HIPK1: variants seen among roughly 807,000 people sequenced by gnomAD.
The protein encoded by HIPK1 is homeodomain-interacting protein kinase 1.
In HIPK1, 28 loss-of-function variants were observed where a neutral mutation model predicts 117.1. The observed-to-expected ratio is 0.24, with a 90% CI of 0.18 to 0.33. The LOEUF (loss-of-function observed/expected upper bound fraction) is 0.33, where lower values mean the gene tolerates loss of function less well. HIPK1 is among the 10% of genes least tolerant of loss of function. HIPK1 has a pLI of 1.00. For synonymous variants in HIPK1, 605 were observed against 562.5 expected (o/e 1.08, Z -1.07); for missense variants, 1,122 against 1,475.1 (o/e 0.76, Z 3.92).
intron 3 of HIPK1, 138 bp downstream of exon 3, chr1:113,953,027 T>G (rs1571690974): frequency 1.4e-6 from 1 of 717,216 alleles, no homozygotes; most frequent in African/African-American, 1.8e-5. Context: ...TAAAGAACTT[T>G]TTAAAGAATA....
intron 7 of HIPK1, 106 bp from the exon 8 acceptor site, chr1:113,957,960 A>G (rs1671835260): frequency 1.2e-6 from 1 of 853,074 alleles, no homozygotes; most frequent in African/African-American, 1.7e-5. Flanking sequence ...TTAACATTAC[A>G]TTTTAAAACA....
chr1:113,972,915 A>T (rs933120431), intron 15 of HIPK1, 109 bp from the exon 16 acceptor site: 1 of 1,210,850 alleles, frequency 8.3e-7, no homozygotes, highest in East Asian at 2.4e-5. Context: ...ATTATGTGCT[A>T]TACCCATTCG....
chr1:113,931,388 T>C (rs1472311847), intron 1 of HIPK1, among the ~76,000 whole-genome samples: 1 of 152,230 alleles, frequency 6.6e-6, no homozygotes, highest in Non-Finnish European at 1.5e-5. Flanking sequence ...TTTAAGATAC[T>C]GTTCCTGGCT....
At chr1:113,932,391 T>TTTTTTTTA in intron 1 of HIPK1, among the ~76,000 whole-genome samples, 1 of 149,158 alleles carries the variant, frequency 6.7e-6, no homozygotes. Flanking sequence ...TTTTTTTTTT[T>TTTTTTTTA]ATTTGAGACA....
chr1:113,936,160 C>T (rs1670235546), intron 1 of HIPK1, among the ~76,000 whole-genome samples: 1 of 152,168 alleles, frequency 6.6e-6, no homozygotes, highest in Non-Finnish European at 1.5e-5. Context: ...GAGTCTCAGC[C>T]ACACTGTAAG....
In HIPK1 at chr1:113,943,530, T is replaced by C. The variant is rs1670788024; in HGVS notation, c.1076+2071T>C. On this transcript the variant is annotated intron_variant, in intron 2 of 15. Coordinates refer to ENST00000426820, the MANE Select transcript of HIPK1 (RefSeq NM_198268.3). ...ACCACATTTTGTTTATGCATTCATC[T>C]GTTGGTAGATATTTGGGTTGTTGCT... Among the ~76,000 whole-genome samples the C allele has an allele frequency of 2.0e-5, 3 of 152,252 alleles. No homozygotes were observed. In the South Asian group the frequency reaches 6.2e-4, roughly 31 times the overall value.
At chr1:113,953,812 C>T (rs1436432090) in intron 3 of HIPK1, 1 of 152,190 alleles carries the variant, frequency 6.6e-6, no homozygotes, top group East Asian at 1.9e-4. Flanking sequence ...AGTCACCGTG[C>T]CTGGCCTTCT....
At chr1:113,963,589 T>A (rs1278228025) in intron 10 of HIPK1, 68 bp downstream of exon 10, 6 of 1,534,608 alleles carry the variant, frequency 3.9e-6, no homozygotes, top group Non-Finnish European at 5.2e-6. Context: ...TGTTTTTTCC[T>A]GTTTGTTTTT....
At chr1:113,954,822 C>T in intron 4 of HIPK1, 52 bp downstream of exon 4, 1 of 1,472,416 alleles carries the variant, frequency 6.8e-7, no homozygotes, top group Admixed American at 2.0e-5. Flanking sequence ...CCTCACTCCC[C>T]AATTTTGAAT....
rs1466571093 is a variant in HIPK1, at chr1:113,973,122, C to T, written c.3243C>T (p.Pro1081=). 6.3e-7 allele frequency: 1 copy of T among 1,591,074 alleles called. No homozygotes were observed. The highest frequency in any genetic ancestry group is 1.2e-5 in the South Asian group (1 of 85,378). The change falls in exon 16 of 16, where the codon CCC becomes CCT. Residue 1081 remains proline, a synonymous_variant. Coordinates refer to ENST00000426820, the MANE Select transcript of HIPK1 (RefSeq NM_198268.3). Reference sequence around the variant, plus strand: ...TTGTGGCCCCTCTCTCCCAAGCCCCCTACACCTTCCAGCATGGCAGCCCGC... The same window carrying T: ...TTGTGGCCCCTCTCTCCCAAGCCCCTTACACCTTCCAGCATGGCAGCCCGC... ...QAFVAPLSQA[P]YTFQHGSPLH...
intron 2 of HIPK1, among the ~76,000 whole-genome samples, chr1:113,950,369 AATCTGGATCTGG>A (rs1287809288): frequency 6.6e-6 from 1 of 152,180 alleles, no homozygotes; most frequent in African/African-American, 2.4e-5. Context: ...GAGGAATCTG[AATCTGGATCTGG>A]ATCTGGATCT....
At chr1:113,963,632 A>C in intron 10 of HIPK1, 111 bp downstream of exon 10, 2 of 1,360,052 alleles carry the variant, frequency 1.5e-6, no homozygotes, top group Non-Finnish European at 2.0e-6. Context: ...TTTTCAAAAA[A>C]ATTTTTTAGC....
At position 113,954,784 on chromosome 1, in the gene HIPK1, A is replaced by T; in HGVS notation, c.1320+14A>T. The T allele has an allele frequency of 6.2e-7, 1 of 1,610,776 alleles. No individual in the cohort carries two copies. ...TGGAGGCTTAAGGTCTGTCTTCCCTACTATGCTTCCGACTCCTGTACTCCA... is the reference window on the plus strand; with the variant it reads ...TGGAGGCTTAAGGTCTGTCTTCCCTTCTATGCTTCCGACTCCTGTACTCCA... On this transcript the variant is annotated intron_variant, in intron 4 of 15. Transcript: ENST00000426820.
At position 113,941,306 on chromosome 1, in the gene HIPK1, G is replaced by A. The variant is rs1408277178; in HGVS notation, c.923G>A (p.Ser308Asn). 3 of 1,614,220 alleles carry A rather than the reference G, an allele frequency of 1.9e-6. No homozygotes were observed. The highest frequency in any genetic ancestry group is 4.5e-5 in the East Asian group (2 of 44,890). ...GCCACAGCCTTGATGAAGCTCAAGA[G>A]TCTTGGTCTGATCCACGCTGACCTT... ...QVATALMKLK[S>N]LGLIHADLKP... The change falls in exon 2 of 16, where the codon AGT becomes AAT. Residue 308 changes from serine (S) to asparagine (N), a missense_variant. Ser to Asn is a conservative substitution (Grantham distance 46). This residue lies in a region of HIPK1 where 62 missense variants were observed against 121.5 expected (regional missense o/e 0.51). Transcript: ENST00000426820. The surrounding 1 kb of genome is among the most constrained non-coding windows in gnomAD (Gnocchi z 4.9).
chr1:113,942,212 T>C (rs1338208226), intron 2 of HIPK1, among the ~76,000 whole-genome samples: 4 of 150,084 alleles, frequency 2.7e-5, no homozygotes, highest in African/African-American at 4.9e-5. Context: ...AGGCACCTGC[T>C]ACCACGCCCG....
chr1:113,964,634 CAT>C (rs1210162727), intron 10 of HIPK1, among the ~76,000 whole-genome samples: 7 of 152,188 alleles, frequency 4.6e-5, no homozygotes, highest in African/African-American at 1.4e-4. Flanking sequence ...CTTCCAGAAA[CAT>C]ACTTTGGTTG....
chr1:113,952,078 A>G (rs147774788), intron 2 of HIPK1, among the ~76,000 whole-genome samples: 1 of 150,024 alleles, frequency 6.7e-6, no homozygotes, highest in Non-Finnish European at 1.5e-5. Context: ...AGCTGGGATT[A>G]CAGGCGCCCA....
At chr1:113,968,882 G>C (rs1448351540) in intron 13 of HIPK1, among the ~76,000 whole-genome samples, 1 of 152,160 alleles carries the variant, frequency 6.6e-6, no homozygotes, top group Non-Finnish European at 1.5e-5. Context: ...TTAGCAGGGC[G>C]TGGTGGCACA....
chr1:113,955,216 C>T (rs1671632767), intron 4 of HIPK1, among the ~76,000 whole-genome samples: 1 of 152,172 alleles, frequency 6.6e-6, no homozygotes, highest in South Asian at 2.1e-4. Context: ...AGTAATTTGA[C>T]TAACCCTGTG....
Sources: allele counts gnomAD v4.1 joint callset (sites outside exome capture counted in the v4.1 genomes callset), GRCh38; gene constraint gnomAD v4.1.1; regional missense constraint gnomAD v4.1.1; non-coding constraint Gnocchi (gnomAD v3.1); transcripts MANE v1.5; gene names NCBI Gene and HGNC (gene_info 2026-07-23, HGNC 2026-07-21).